TIMP2: variants seen among roughly 807,000 people sequenced by gnomAD.
TIMP2 encodes the protein metalloproteinase inhibitor 2.
In TIMP2, 5 loss-of-function variants were observed where a neutral mutation model predicts 24.3. The observed-to-expected ratio is 0.21, with a 90% confidence interval of 0.11 to 0.43. The LOEUF is 0.43. TIMP2 is among the 20% of genes least tolerant of loss of function. The probability of loss-of-function intolerance (pLI) is 1.00; values close to 1 mark genes in which losing one functional copy is unlikely to be tolerated. For missense variants in TIMP2, 221 were observed against 297.5 expected (o/e 0.74, Z 1.89); for synonymous variants, 130 against 123.2 (o/e 1.06, Z -0.37).
chr17:78,906,657 A>C (rs942530719), intron 1 of TIMP2, among the ~76,000 whole-genome samples: 1 of 151,856 alleles, frequency 6.6e-6, no homozygotes, highest in South Asian at 2.1e-4. Flanking sequence ...ATCTCGGCTC[A>C]CTGCAACCTC....
intron 1 of TIMP2, among the ~76,000 whole-genome samples, chr17:78,874,481 C>A (rs971627648): frequency 2.6e-5 from 4 of 152,178 alleles, no homozygotes; most frequent in Non-Finnish European, 4.4e-5. Context: ...GGGCCTTAAA[C>A]GTACCCGGCA....
At chr17:78,872,438 T>G (rs2069693877) in intron 2 of TIMP2, among the ~76,000 whole-genome samples, 1 of 152,192 alleles carries the variant, frequency 6.6e-6, no homozygotes, top group African/African-American at 2.4e-5. Flanking sequence ...GGAACGCACC[T>G]GCTGCCCAGG....
intron 3 of TIMP2, among the ~76,000 whole-genome samples, chr17:78,868,029 C>T (rs767611838): frequency 6.6e-5 from 10 of 152,152 alleles, no homozygotes; most frequent in Non-Finnish European, 1.0e-4. Flanking sequence ...AGGATCTCAC[C>T]GTGGGAATCT....
rs889106175 is a variant in TIMP2, at chr17:78,853,147, C to G, written c.*2520G>C. 2 of 152,586 alleles carry G rather than the reference C, an allele frequency of 1.3e-5. No homozygotes were observed. Among genetic ancestry groups the G allele is most frequent in the South Asian group, 2.1e-4 (1 of 4,834 alleles). The allele number at this position is 152,586 out of a possible 1,614,324, so 9.5% of individuals were successfully genotyped here. A position where few individuals can be genotyped will look rare whatever the true frequency, so the allele number is the denominator to read the frequency against. On this transcript the variant is annotated 3_prime_UTR_variant, in exon 5 of 5. Transcript: ENST00000262768. ...CCAGCATAAACACAGTGCTCCCCTC[C>G]CCCAAAAATCCAAACGGAAACAAAA...
At position 78,853,875 on chromosome 17, in the gene TIMP2, G is replaced by C. The variant is rs1279882534; in HGVS notation, c.*1792C>G. On this transcript the variant is annotated 3_prime_UTR_variant, in exon 5 of 5. Coordinates refer to ENST00000262768, the MANE Select transcript of TIMP2 (RefSeq NM_003255.5). The stretch of plus-strand genomic sequence containing the variant: ...CAGGGGTGGGGTGTTATATGGGTTG[G>C]AGGGGTCTGGTGGAGTTGTATATAC... 2 of 152,494 alleles carry C rather than the reference G, an allele frequency of 1.3e-5. No individual in the cohort carries two copies. The highest frequency in any genetic ancestry group is 2.9e-5 in the Non-Finnish European group (2 of 68,060). 9.4% of individuals were successfully genotyped at this position (152,494 alleles called of 1,614,324 possible).
chr17:78,865,149 T>C (rs1343225461), intron 3 of TIMP2, among the ~76,000 whole-genome samples: 2 of 152,190 alleles, frequency 1.3e-5, no homozygotes, highest in Non-Finnish European at 2.9e-5. Context: ...GAAGGAGGTA[T>C]GACTCTACCT....
intron 1 of TIMP2, among the ~76,000 whole-genome samples, chr17:78,916,027 C>A (rs1485724056): frequency 6.6e-6 from 1 of 152,330 alleles, no homozygotes; most frequent in East Asian, 1.9e-4. Context: ...GTCATTATCA[C>A]CATGTCATGA....
At chr17:78,858,506 G>T (rs1001048263) in intron 3 of TIMP2, among the ~76,000 whole-genome samples, 1 of 151,626 alleles carries the variant, frequency 6.6e-6, no homozygotes, top group African/African-American at 2.4e-5. Flanking sequence ...CTAATATTTT[G>T]ATGTATTTCC....
At position 78,900,809 on chromosome 17, in the gene TIMP2, C is replaced by G. The variant is rs538471119; in HGVS notation, c.130+24150G>C. ...ACACATCTAAAACTTATATGTGGGT[C>G]CCTAAATCCAACTATGCAAGTACAG... On this transcript the variant is annotated intron_variant, in intron 1 of 4. Transcript: ENST00000262768. Among the ~76,000 whole-genome samples, 62 of 152,330 alleles carry G rather than the reference C, an allele frequency of 4.1e-4. No individual in the cohort carries two copies. The South Asian group carries it at 0.013, about 31-fold the overall frequency.
At chr17:78,913,724 CA>C (rs772549289) in intron 1 of TIMP2, among the ~76,000 whole-genome samples, 1 of 147,940 alleles carries the variant, frequency 6.8e-6, no homozygotes, top group Non-Finnish European at 1.5e-5. Context: ...AAAACAACAA[CA>C]AAAAAAAACA....
In TIMP2 at chr17:78,924,903, T is replaced by C; in HGVS notation, c.130+56A>G. The C allele has an allele frequency of 9.5e-7, 1 of 1,051,990 alleles. No homozygotes were observed. The allele number at this position is 1,051,990 out of a possible 1,614,324, so 65.2% of individuals were successfully genotyped here. A position where few individuals can be genotyped will look rare whatever the true frequency, so the allele number is the denominator to read the frequency against. ...GGGCGGGCGGGGCGTCTGCGAACCC[T>C]CGGGGTCGCGGGGGAGGTGGGGCCC... On this transcript the variant is annotated intron_variant, in intron 1 of 4. Transcript: ENST00000262768. This position sits in a 1 kb window ranked among gnomAD's most constrained non-coding sequence, Gnocchi z 5.3.
rs2069889549 is a variant in TIMP2 at position 78,891,324 on chromosome 17, T to C, written c.131-17405A>G. 1 of 1,550,406 alleles carries C rather than the reference T, an allele frequency of 6.4e-7. No individual in the cohort carries two copies. Reference sequence around the variant, plus strand: ...GGCAGCATCTCTGGGTCTGCCATTTTCTTCCCTCTTGGGGTCCCAGCGCCA... The same window carrying C: ...GGCAGCATCTCTGGGTCTGCCATTTCCTTCCCTCTTGGGGTCCCAGCGCCA... On this transcript the variant is annotated intron_variant, in intron 1 of 4. Coordinates refer to ENST00000262768, the MANE Select transcript of TIMP2 (RefSeq NM_003255.5). This position sits in a 1 kb window ranked among gnomAD's most constrained non-coding sequence, Gnocchi z 4.5.
At chr17:78,913,690 G>A (rs559149667) in intron 1 of TIMP2, among the ~76,000 whole-genome samples, 10 of 151,774 alleles carry the variant, frequency 6.6e-5, no homozygotes, top group South Asian at 2.1e-4. Flanking sequence ...CAGCCTGGGT[G>A]ACAGAGCAAG....
At chr17:78,883,633 C>A (rs1050170253) in intron 1 of TIMP2, among the ~76,000 whole-genome samples, 17 of 152,140 alleles carry the variant, frequency 1.1e-4, no homozygotes, top group African/African-American at 3.6e-4. Flanking sequence ...GCTCCCTCCC[C>A]GGCTGCCTGA....
intron 1 of TIMP2, chr17:78,900,246 TA>T (rs1599168602): frequency 1.3e-5 from 2 of 152,298 alleles, no homozygotes; most frequent in East Asian, 3.9e-4. Context: ...ACAAGCTTAT[TA>T]AAATTGTGGT....
intron 1 of TIMP2, among the ~76,000 whole-genome samples, chr17:78,893,456 C>CG (rs1172197586): frequency 2.6e-5 from 3 of 116,562 alleles, no homozygotes; most frequent in African/African-American, 1.1e-4. Flanking sequence ...GCTGTGTGTG[C>CG]AGGGGTGTGT....
chr17:78,916,023 A>G (rs1189217117), intron 1 of TIMP2, among the ~76,000 whole-genome samples: 1 of 152,208 alleles, frequency 6.6e-6, no homozygotes, highest in East Asian at 1.9e-4. Context: ...CATAGTCATT[A>G]TCACCATGTC....
At position 78,855,666 on chromosome 17, in the gene TIMP2, C is replaced by CTT. The variant is rs781058075; in HGVS notation, c.662_663dup. 1.2e-6 allele frequency: 2 copies of CTT among 1,613,510 alleles called. No homozygotes were observed. Among genetic ancestry groups the CTT allele is most frequent in the Non-Finnish European group, 1.7e-6 (2 of 1,180,006 alleles). ...TGGCCACAGGGGCGTTGGAGGCCTG[C>CTT]TTATGGGTCCTCGATGTCGAGAAAC... On this transcript the variant is annotated 3_prime_UTR_variant, in exon 5 of 5. Coordinates refer to ENST00000262768, the MANE Select transcript of TIMP2 (RefSeq NM_003255.5). The surrounding 1 kb of genome is among the most constrained non-coding windows in gnomAD (Gnocchi z 6.0).
chr17:78,863,179 T>A (rs959210287), intron 3 of TIMP2, among the ~76,000 whole-genome samples: 2 of 152,246 alleles, frequency 1.3e-5, no homozygotes, highest in African/African-American at 4.8e-5. Context: ...CAACAGCGCA[T>A]AAGCGTTCCT....
Sources: gnomAD v4.1 joint callset for allele counts (sites outside exome capture counted in the v4.1 genomes callset) on GRCh38, gnomAD v4.1.1 for gene constraint, Gnocchi (gnomAD v3.1) non-coding constraint, MANE v1.5 for transcripts, NCBI Gene and HGNC (gene_info 2026-07-23, HGNC 2026-07-21) for gene names.